Variants in EPN3 observed in about 807,000 individuals in gnomAD.
EPN3 encodes the protein epsin 3.
A neutral mutation model predicts 55.5 loss-of-function variants in EPN3; 56 were observed. The ratio of observed to expected loss-of-function variants is 1.01; its 90% CI spans 0.81 to 1.26. The LOEUF is 1.26. Among genes scored for constraint, EPN3 ranks in the 50% most tolerant of loss-of-function variants. The pLI, the probability that EPN3 is intolerant of heterozygous loss-of-function variation, is 0.00. For missense variants in EPN3, 927 were observed against 853.4 expected, an observed-to-expected ratio of 1.09 and a Z score of -1.07; for synonymous variants, 449 against 375.2, an observed-to-expected ratio of 1.20 and a Z score of -2.27.
At position 50,532,829 on chromosome 17, in the gene EPN3, C is replaced by T. The variant is rs2034689769; in HGVS notation, c.-293C>T. The T allele has an allele frequency of 2.4e-6, 3 of 1,230,874 alleles. No individual in the cohort carries two copies. Among genetic ancestry groups the T allele is most frequent in the South Asian group, 2.5e-5 (2 of 79,036 alleles). 76.2% of individuals were successfully genotyped at this position (1,230,874 alleles called of 1,614,324 possible). ...TGCCGCTGCCCCTCTGAGGGGTCTG[C>T]ACCTCCTGGGAGCAGGTGGGTCTCT... On this transcript the variant is annotated 5_prime_UTR_variant, in exon 1 of 10. Coordinates refer to ENST00000268933, the MANE Select transcript of EPN3 (RefSeq NM_017957.3).
At chr17:50,540,687 G>A (rs1180251925) in intron 6 of EPN3, 106 bp from the exon 7 acceptor site, 2 of 1,429,824 alleles carry the variant, frequency 1.4e-6, no homozygotes, top group African/African-American at 2.8e-5. Context: ...CAGGCCATCT[G>A]TGACATGGAT....
At position 50,538,094 on chromosome 17, in the gene EPN3, C is replaced by T. The variant is rs148663382; in HGVS notation, c.578C>T (p.Pro193Leu). 5 of 1,613,828 alleles carry T rather than the reference C, an allele frequency of 3.1e-6. No homozygotes were observed. The Admixed American group carries it at 6.7e-5, about 22-fold the overall frequency. ...PSSYNSSSSS[P>L]RYTSDLEQAR... ...GTCATTGCAGCCTCCTCTTCGTCAC[C>T]CCGCTATACCTCCGACCTGGAGCAG... Residue 193 changes from proline (P) to leucine (L), a missense_variant, in exon 3 of 10, where the codon CCC (proline) becomes CTC (leucine). By Grantham distance (98) the Pro-to-Leu change is moderately conservative. Transcript: ENST00000268933.
At chr17:50,535,109 G>C (rs188605213) in intron 1 of EPN3, among the ~76,000 whole-genome samples, 1 of 152,200 alleles carries the variant, frequency 6.6e-6, no homozygotes. Context: ...TGTGGCTACT[G>C]GGGGGAATTG....
chr17:50,542,252 A>G lies in EPN3; in HGVS notation c.*95A>G, dbSNP rs1485363256. The G allele has an allele frequency of 1.5e-6, 2 of 1,305,122 alleles. No homozygotes were observed. The highest frequency in any genetic ancestry group is 6.4e-5 in the East Asian group (2 of 31,040). 80.8% of individuals were successfully genotyped at this position (1,305,122 alleles called of 1,614,324 possible). On this transcript the variant is annotated 3_prime_UTR_variant, in exon 10 of 10. Coordinates refer to ENST00000268933, the MANE Select transcript of EPN3 (RefSeq NM_017957.3). ...CTGGGCGGGGCGCCGGTGCTAGTGGAACGCCGAGCCAGTGGCGGCTGGTAT... is the reference window on the plus strand; with the variant it reads ...CTGGGCGGGGCGCCGGTGCTAGTGGGACGCCGAGCCAGTGGCGGCTGGTAT...
intron 4 of EPN3, 80 bp from the exon 5 acceptor site, chr17:50,539,107 G>A (rs958172146): frequency 1.7e-5 from 27 of 1,588,776 alleles, no homozygotes; most frequent in Middle Eastern, 2.2e-4. Context: ...GCACTCTCTC[G>A]ACTCCAGCCT....
At position 50,532,740 on chromosome 17, in the gene EPN3, G is replaced by A. The variant is rs1217412336; in HGVS notation, c.-382G>A. 2.2e-5 allele frequency: 10 copies of A among 462,164 alleles called. 1 individual carries two copies. In the East Asian group the frequency reaches 9.8e-4, roughly 45 times the overall value. The allele number at this position is 462,164 out of a possible 1,614,324, so 28.6% of individuals were successfully genotyped here. On this transcript the variant is annotated 5_prime_UTR_variant, in exon 1 of 10. Transcript: ENST00000268933. ...CCAGCTGAGCAACTTTCCTCGGAGT[G>A]CTGCCTGGCGCTGGCTAGGAGGCAA...
At chr17:50,540,467 C>T (rs1597863497) in intron 6 of EPN3, 133 bp downstream of exon 6, 9 of 851,162 alleles carry the variant, frequency 1.1e-5, no homozygotes, top group East Asian at 5.4e-5. Flanking sequence ...CTTGAGCCTC[C>T]GCCGCCTGTG....
chr17:50,538,748 C>A, intron 3 of EPN3, 136 bp from the exon 4 acceptor site: 1 of 592,670 alleles, frequency 1.7e-6, no homozygotes, highest in Admixed American at 3.6e-5. Context: ...ACCCTGCTGA[C>A]TGAGCGGCAA....
At chr17:50,537,472 GGA>G in intron 2 of EPN3, 1 of 305,288 alleles carries the variant, frequency 3.3e-6, no homozygotes, top group South Asian at 4.5e-5. Context: ...TGTACAGTGG[GGA>G]TAAGCTCACC....
At chr17:50,538,252 T>A in intron 3 of EPN3, 55 bp downstream of exon 3, 1 of 1,434,714 alleles carries the variant, frequency 7.0e-7, no homozygotes, top group Non-Finnish European at 9.6e-7. Context: ...GGGGAGAGAG[T>A]GCCTGGGAGC....
Position 50,542,130 on chromosome 17 carries a change from G to C in EPN3, c.1872G>C (p.Pro624=). The C allele has an allele frequency of 6.6e-7, 1 of 1,517,862 alleles. No homozygotes were observed. Among genetic ancestry groups the C allele is most frequent in the Non-Finnish European group, 8.8e-7 (1 of 1,141,514 alleles). The allele number at this position is 1,517,862 out of a possible 1,614,324, so 94.0% of individuals were successfully genotyped here. Residue 624 remains proline (P), a synonymous_variant, in exon 10 of 10, where the codon CCG becomes CCC. Transcript: ENST00000268933. ...PSSAGPRPPP[P]QTGTNPFL ...CAGCCGGGCCGCGGCCCCCGCCCCC[G>C]CAGACCGGCACCAACCCCTTCCTCT... is the stretch of plus-strand genomic sequence containing the variant.
Position 50,541,649 on chromosome 17 carries a change from G to A in EPN3, c.1540G>A (p.Val514Ile), listed in dbSNP as rs1199584279. 3 of 1,614,138 alleles carry A rather than the reference G, an allele frequency of 1.9e-6. No individual in the cohort carries two copies. Among genetic ancestry groups the A allele is most frequent in the Non-Finnish European group, 1.7e-6 (2 of 1,180,032 alleles). Residue 514 changes from valine to isoleucine, a missense_variant, in exon 9 of 10, where the codon GTC becomes ATC. By Grantham distance (29) the Val-to-Ile change is conservative. Transcript: ENST00000268933. Reference sequence around the variant, plus strand: ...CTCCTTGGTCAACCTTGACTCGTTGGTCAAGGCACCCCAGGTTGCAAAGAC... The same window carrying A: ...CTCCTTGGTCAACCTTGACTCGTTGATCAAGGCACCCCAGGTTGCAAAGAC... The part of the protein sequence containing the change: ...ASSLVNLDSL[V>I]KAPQVAKTRN...
rs568225261 is a variant in EPN3, at chr17:50,540,962, C to A, written c.1149C>A (p.Pro383=). 1 of 1,613,170 alleles carries A rather than the reference C, an allele frequency of 6.2e-7. No homozygotes were observed. Among genetic ancestry groups the A allele is most frequent in the East Asian group, 2.2e-5 (1 of 44,868 alleles). ...GGACCCCAGTGCTGCCTGCTGGGCC[C>A]CCCACCACAGACCCCTGGGCCCTGA... is the stretch of plus-strand genomic sequence containing the variant. ...WGRTPVLPAG[P]PTTDPWALNS... is the part of the protein sequence containing the mutation. Residue 383 remains proline, a synonymous_variant, in exon 7 of 10, where the codon CCC becomes CCA. Transcript: ENST00000268933.
In EPN3 at chr17:50,537,004, A is replaced by G. The variant is rs371299170; in HGVS notation, c.448A>G (p.Thr150Ala). 1 of 1,613,388 alleles carries G rather than the reference A, an allele frequency of 6.2e-7. No homozygotes were observed. Among genetic ancestry groups the G allele is most frequent in the Non-Finnish European group, 8.5e-7 (1 of 1,179,960 alleles). Residue 150 changes from threonine to alanine, a missense_variant, in exon 2 of 10, where the codon ACC becomes GCC. Thr to Ala is a moderately conservative substitution (Grantham distance 58). Transcript: ENST00000268933. ...GCAGGAGCGAACCCACGCCCTCAAG[A>G]CCAAGGAGCGCATGGCACTGGAGGG... is the stretch of plus-strand genomic sequence containing the variant. ...LRQERTHALK[T>A]KERMALEGIG... is the part of the protein sequence containing the mutation.
rs1018797486 is a variant in EPN3 at position 50,541,960 on chromosome 17, G to T, written c.1702G>T (p.Ala568Ser). ...GGGCCTGGCAGGCGGGCCTGTGGGG[G>T]CGCCCCTGGGCTCCATGACCTACAG... is the stretch of plus-strand genomic sequence containing the variant. ...ALGLAGGPVGAPLGSMTYSAS... is the reference protein window; with the variant it reads ...ALGLAGGPVGSPLGSMTYSAS... The change falls in exon 10 of 10, where the codon GCG becomes TCG. Residue 568 changes from alanine to serine, a missense_variant. Transcript: ENST00000268933. 3 of 1,595,714 alleles carry T rather than the reference G, an allele frequency of 1.9e-6. No individual in the cohort carries two copies. The highest frequency in any genetic ancestry group is 3.4e-5 in the Admixed American group (2 of 59,472).
At position 50,542,187 on chromosome 17, in the gene EPN3, C is replaced by T. The variant is rs2034860165; in HGVS notation, c.*30C>T. 1 of 1,440,812 alleles carries T rather than the reference C, an allele frequency of 6.9e-7. No homozygotes were observed. Among genetic ancestry groups the T allele is most frequent in the Non-Finnish European group, 9.0e-7 (1 of 1,107,244 alleles). 89.3% of individuals were successfully genotyped at this position (1,440,812 alleles called of 1,614,324 possible). ...CGCCCCGTCCCATACCGGCCTGCGCCTGCGCCGGACGCTCCGCGGCCCCGC... is the reference window on the plus strand; with the variant it reads ...CGCCCCGTCCCATACCGGCCTGCGCTTGCGCCGGACGCTCCGCGGCCCCGC... On this transcript the variant is annotated 3_prime_UTR_variant, in exon 10 of 10. Coordinates refer to ENST00000268933, the MANE Select transcript of EPN3 (RefSeq NM_017957.3).
intron 1 of EPN3, 80 bp from the exon 2 acceptor site, chr17:50,536,341 G>A (rs1463062853): frequency 5.7e-6 from 7 of 1,226,376 alleles, no homozygotes; most frequent in Non-Finnish European, 7.7e-6. Context: ...ACTCTGGCCA[G>A]GCCTCATTTA....
rs1235413566 is a variant in EPN3, at chr17:50,542,022, T to A, written c.1764T>A (p.Ala588=). ...SLPLPLSSVP[A]GLTLPASVSV... ...CCCTCCCGCTCAGCAGCGTGCCAGC[T>A]GGCTTGACCCTCCCCGCCTCGGTTA... Residue 588 remains alanine (A), a synonymous_variant, in exon 10 of 10, where the codon GCT becomes GCA. Transcript: ENST00000268933. 6.3e-7 allele frequency: 1 copy of A among 1,597,030 alleles called. No individual in the cohort carries two copies. The highest frequency in any genetic ancestry group is 1.7e-5 in the Admixed American group (1 of 59,862).
At position 50,542,260 on chromosome 17, in the gene EPN3, G is replaced by GCCAGTGGCGGCTGGTAT. The variant is rs2034861455; in HGVS notation, c.*106_*122dup. 3.2e-6 allele frequency: 4 copies of GCCAGTGGCGGCTGGTAT among 1,251,552 alleles called. No homozygotes were observed. Among genetic ancestry groups the GCCAGTGGCGGCTGGTAT allele is most frequent in the Non-Finnish European group, 4.1e-6 (4 of 963,938 alleles). 77.5% of individuals were successfully genotyped at this position (1,251,552 alleles called of 1,614,324 possible). A position where few individuals can be genotyped will look rare whatever the true frequency, so the allele number is the denominator to read the frequency against. ...GGCGCCGGTGCTAGTGGAACGCCGA[G>GCCAGTGGCGGCTGGTAT]CCAGTGGCGGCTGGTATCCCGCGGC... is the stretch of plus-strand genomic sequence containing the variant. On this transcript the variant is annotated 3_prime_UTR_variant, in exon 10 of 10. Coordinates refer to ENST00000268933, the MANE Select transcript of EPN3 (RefSeq NM_017957.3).
Sources: gnomAD v4.1 joint callset for allele counts (sites outside exome capture counted in the v4.1 genomes callset) on GRCh38, gnomAD v4.1.1 for gene constraint, MANE v1.5 for transcripts, NCBI Gene and HGNC (gene_info 2026-07-23, HGNC 2026-07-21) for gene names.